The following TRABD2B variants were observed in gnomAD, a reference collection of about 807,000 sequenced individuals.
The protein encoded by TRABD2B is TraB domain containing 2B.
In TRABD2B, 14 loss-of-function variants were observed where a neutral mutation model predicts 40.1. The observed-to-expected ratio is 0.35, with a 90% CI of 0.23 to 0.55. The LOEUF (loss-of-function observed/expected upper bound fraction) is 0.55. Among genes scored for constraint, TRABD2B ranks in the 20% least tolerant of loss-of-function variants. The pLI is 0.90. For missense variants in TRABD2B, 541 were observed against 648.6 expected (o/e 0.83, Z 1.80); for synonymous variants, 263 against 277.0 (o/e 0.95, Z 0.50).
intron 2 of TRABD2B, among the ~76,000 whole-genome samples, chr1:47,904,100 G>A (rs1427097249): frequency 6.6e-6 from 1 of 152,212 alleles, no homozygotes; most frequent in Non-Finnish European, 1.5e-5. Flanking sequence ...AAGGCCTGCA[G>A]AAGGAGCTGT....
intron 4 of TRABD2B, among the ~76,000 whole-genome samples, chr1:47,786,693 T>C (rs1011556946): frequency 1.3e-5 from 2 of 152,114 alleles, no homozygotes; most frequent in African/African-American, 4.8e-5. Context: ...GCAGCTGTTA[T>C]TTTTGTTTGT....
At chr1:47,841,206 C>G (rs1645391964) in intron 2 of TRABD2B, among the ~76,000 whole-genome samples, 1 of 152,312 alleles carries the variant, frequency 6.6e-6, no homozygotes, top group South Asian at 2.1e-4. Context: ...TACCTGCTGC[C>G]TGCACCCATT....
At chr1:47,815,334 G>T (rs899894420) in intron 2 of TRABD2B, among the ~76,000 whole-genome samples, 1 of 152,178 alleles carries the variant, frequency 6.6e-6, no homozygotes, top group African/African-American at 2.4e-5. Context: ...GGGAGGGCGG[G>T]CTGTATGTGA....
chr1:47,859,389 C>A (rs762925845), intron 2 of TRABD2B, among the ~76,000 whole-genome samples: 4 of 152,178 alleles, frequency 2.6e-5, no homozygotes, highest in Non-Finnish European at 5.9e-5. Context: ...TGGACCCCAG[C>A]CCTGTACTCA....
intron 2 of TRABD2B, among the ~76,000 whole-genome samples, chr1:47,990,767 GGTTTTATATATATATATATATATATATA>G (rs1422169409): frequency 1.2e-4 from 8 of 66,640 alleles, no homozygotes; most frequent in African/African-American, 4.8e-4. Flanking sequence ...TTAAAACGTT[GGTTTTATATATATATATATATATATATA>G]TATATATATA....
intron 2 of TRABD2B, among the ~76,000 whole-genome samples, chr1:47,810,167 C>T (rs979749024): frequency 5.9e-5 from 9 of 151,396 alleles, no homozygotes; most frequent in Admixed American, 2.6e-4. Flanking sequence ...CGCGCGCGCG[C>T]GCACGTGTGT....
chr1:47,917,130 A>T (rs961914895), intron 2 of TRABD2B, among the ~76,000 whole-genome samples: 4 of 152,166 alleles, frequency 2.6e-5, no homozygotes, highest in Admixed American at 6.5e-5. Flanking sequence ...GCACGCAAGG[A>T]CGGGCTCCAG....
intron 2 of TRABD2B, among the ~76,000 whole-genome samples, chr1:47,861,716 ACCT>A (rs1643975054): frequency 6.6e-6 from 1 of 152,138 alleles, no homozygotes; most frequent in Non-Finnish European, 1.5e-5. Flanking sequence ...AAGTCTCTAA[ACCT>A]CCTTCAGAAC....
At chr1:47,815,653 TTG>T (rs1645020473) in intron 2 of TRABD2B, among the ~76,000 whole-genome samples, 1 of 152,176 alleles carries the variant, frequency 6.6e-6, no homozygotes, top group Non-Finnish European at 1.5e-5. Context: ...TGTCTTCCTC[TTG>T]TGTGAGCTCC....
chr1:47,934,907 G>A (rs1188904718), intron 2 of TRABD2B, among the ~76,000 whole-genome samples: 1 of 152,158 alleles, frequency 6.6e-6, no homozygotes, highest in African/African-American at 2.4e-5. Context: ...AAAATGCAAG[G>A]CAGAGTCCGA....
intron 2 of TRABD2B, among the ~76,000 whole-genome samples, chr1:47,815,316 T>C (rs1400729454): frequency 6.6e-6 from 1 of 152,166 alleles, no homozygotes; most frequent in Non-Finnish European, 1.5e-5. Context: ...GTTGTGCAGG[T>C]CTGACCTGGG....
At chr1:47,783,571 G>A in intron 4 of TRABD2B, among the ~76,000 whole-genome samples, 1 of 152,208 alleles carries the variant, frequency 6.6e-6, no homozygotes. Flanking sequence ...AAATTGCGGG[G>A]CTGGGATGGT....
At chr1:47,811,702 A>T (rs1029028510) in intron 2 of TRABD2B, among the ~76,000 whole-genome samples, 1 of 152,110 alleles carries the variant, frequency 6.6e-6, no homozygotes, top group Non-Finnish European at 1.5e-5. Context: ...GGGCAAAGGG[A>T]TCCCTTCGAT....
intron 2 of TRABD2B, among the ~76,000 whole-genome samples, chr1:47,987,286 C>G (rs1272280262): frequency 6.6e-6 from 1 of 152,162 alleles, no homozygotes; most frequent in Non-Finnish European, 1.5e-5. Context: ...TTTTAGAAGT[C>G]TGTGTCCATG....
At chr1:47,811,495 C>G (rs1644964662) in intron 2 of TRABD2B, among the ~76,000 whole-genome samples, 1 of 152,136 alleles carries the variant, frequency 6.6e-6, no homozygotes, top group South Asian at 2.1e-4. Flanking sequence ...ACCCAAAGAC[C>G]ACCCTTAAAG....
chr1:47,880,723 C>T (rs1644291546), intron 2 of TRABD2B, among the ~76,000 whole-genome samples: 1 of 152,234 alleles, frequency 6.6e-6, no homozygotes, highest in African/African-American at 2.4e-5. Context: ...TCCTCTGGCA[C>T]TGTCTGAGTC....
In TRABD2B at chr1:47,911,429, T is replaced by C. The variant is rs116471622; in HGVS notation, c.666+82605A>G. Among the ~76,000 whole-genome samples, 581 of 152,286 alleles carry C rather than the reference T, an allele frequency of 3.8e-3. 5 individuals carry two copies. Among genetic ancestry groups the C allele is most frequent in the African/African-American group, 0.013 (555 of 41,564 alleles). ...GAAAGAGTAAGATGTGATAGAATGA[T>C]AGAAAGACACAGACAGGAGGCAGCA... On this transcript the variant is annotated intron_variant, in intron 2 of 6. Coordinates refer to ENST00000606738, the MANE Select transcript of TRABD2B (RefSeq NM_001194986.2).
chr1:47,774,833 C>T (rs1186345624), intron 6 of TRABD2B, among the ~76,000 whole-genome samples: 6 of 152,204 alleles, frequency 3.9e-5, no homozygotes, highest in African/African-American at 1.4e-4. Flanking sequence ...TCCATTTTCT[C>T]CTAGTTTCAC....
chr1:47,820,940 G>A (rs1047135140), intron 2 of TRABD2B, among the ~76,000 whole-genome samples: 3 of 152,156 alleles, frequency 2.0e-5, no homozygotes, highest in African/African-American at 4.8e-5. Context: ...GTAGTAGCAG[G>A]AAGTTCTGAC....
Sources: allele counts gnomAD v4.1 joint callset (sites outside exome capture counted in the v4.1 genomes callset), GRCh38; gene constraint gnomAD v4.1.1; transcripts MANE v1.5; gene names NCBI Gene and HGNC (gene_info 2026-07-23, HGNC 2026-07-21).